NRIP3: variants seen among roughly 807,000 people sequenced by gnomAD.
The protein encoded by NRIP3 is nuclear receptor interacting protein 3, also known as nuclear receptor-interacting protein 3.
NRIP3 carries 31 observed loss-of-function variants against 29.0 expected under a neutral mutation model. The ratio of observed to expected loss-of-function variants is 1.07; its 90% CI spans 0.80 to 1.44. The LOEUF (loss-of-function observed/expected upper bound fraction) is 1.44, where lower values mean the gene tolerates loss of function less well. NRIP3 is among the 40% of genes most tolerant of loss of function. The pLI is 0.00. For synonymous variants in NRIP3, 131 were observed against 118.3 expected (o/e 1.11, Z -0.70); for missense variants, 314 against 297.9 (o/e 1.05, Z -0.40).
intron 1 of NRIP3, among the ~76,000 whole-genome samples, chr11:9,000,758 A>G (rs1362000938): frequency 6.8e-6 from 1 of 146,134 alleles, no homozygotes; most frequent in Admixed American, 6.8e-5. Flanking sequence ...GTTTTTCTCC[A>G]GCTTCACTGA....
chr11:8,981,955 T>A lies in NRIP3; in HGVS notation c.*1590A>T, dbSNP rs1854422571. 6.6e-6 allele frequency: 1 copy of A among 152,236 alleles called. No homozygotes were observed. The highest frequency in any genetic ancestry group is 1.5e-5 in the Non-Finnish European group (1 of 68,064). 9.4% of individuals were successfully genotyped at this position (152,236 alleles called of 1,614,324 possible). A position where few individuals can be genotyped will look rare whatever the true frequency, so the allele number is the denominator to read the frequency against. The stretch of plus-strand genomic sequence containing the variant: ...CAAATCATTCAGAGTTCCAAAGGGC[T>A]GTTCAGTAGGGGCAGTTGCTGAACA... On this transcript the variant is annotated 3_prime_UTR_variant, in exon 7 of 7. Transcript: ENST00000309166.
chr11:8,991,634 C>A (rs1854603300), intron 1 of NRIP3, among the ~76,000 whole-genome samples: 1 of 152,188 alleles, frequency 6.6e-6, no homozygotes, highest in African/African-American at 2.4e-5. Context: ...GGCAGAAAAG[C>A]AGCAATTAAT....
At chr11:9,004,139 CGTCCCCT>C (rs1257635086), upstream of NRIP3, 1 of 417,522 alleles carries the variant, frequency 2.4e-6, no homozygotes, top group Non-Finnish European at 4.0e-6. Flanking sequence ...CCGCGTCCCG[CGTCCCCT>C]GCTCACCCGG....
At chr11:8,996,613 C>G (rs931786442) in intron 1 of NRIP3, among the ~76,000 whole-genome samples, 1 of 152,174 alleles carries the variant, frequency 6.6e-6, no homozygotes, top group Admixed American at 6.5e-5. Context: ...TCATTGAATT[C>G]TTTCTTTCAG....
At chr11:8,989,717 T>C (rs1442342991) in intron 1 of NRIP3, among the ~76,000 whole-genome samples, 2 of 152,226 alleles carry the variant, frequency 1.3e-5, no homozygotes, top group Non-Finnish European at 2.9e-5. Context: ...TCAGATTTTG[T>C]GATGCAACAC....
intron 1 of NRIP3, among the ~76,000 whole-genome samples, chr11:9,002,596 T>TAAAAAAAAA (rs10701323): frequency 4.0e-5 from 4 of 101,238 alleles, no homozygotes; most frequent in South Asian, 3.4e-4. Context: ...GCTGTTAAAT[T>TAAAAAAAAA]AAAAAAAAAA....
At chr11:8,991,992 T>C (rs1466370412) in intron 1 of NRIP3, among the ~76,000 whole-genome samples, 1 of 152,254 alleles carries the variant, frequency 6.6e-6, no homozygotes, top group Non-Finnish European at 1.5e-5. Context: ...GAAGAGCTAC[T>C]GTTAGTTTGA....
rs1854450026 is a variant in NRIP3 at position 8,983,220 on chromosome 11, C to A, written c.*325G>T. On this transcript the variant is annotated 3_prime_UTR_variant, in exon 7 of 7. Transcript: ENST00000309166. ...CACATATATCTATGGAGACACAGAA[C>A]CTGGCAGCCCCTATACTTGACTAAT... 4.4e-6 allele frequency: 2 copies of A among 457,334 alleles called. No individual in the cohort carries two copies. Among genetic ancestry groups the A allele is most frequent in the Non-Finnish European group, 3.9e-6 (1 of 253,910 alleles). 28.3% of individuals were successfully genotyped at this position (457,334 alleles called of 1,614,324 possible).
intron 4 of NRIP3, among the ~76,000 whole-genome samples, chr11:8,984,473 G>A (rs1854478478): frequency 6.6e-6 from 1 of 152,138 alleles, no homozygotes; most frequent in Non-Finnish European, 1.5e-5. Flanking sequence ...ATGTTGGCCA[G>A]GCTTCTCTCG....
chr11:8,998,790 T>C (rs1029926041), intron 1 of NRIP3, among the ~76,000 whole-genome samples: 1 of 132,516 alleles, frequency 7.5e-6, no homozygotes, highest in African/African-American at 2.8e-5. Flanking sequence ...CTTCATTTTT[T>C]TTTTTTTTTT....
At chr11:8,984,159 AT>A in intron 4 of NRIP3, 35 bp from the exon 5 acceptor site, 1 of 1,479,192 alleles carries the variant, frequency 6.8e-7, no homozygotes, top group Non-Finnish European at 9.4e-7. Flanking sequence ...AGATTTAGCC[AT>A]TTCCATGCTT....
intron 1 of NRIP3, among the ~76,000 whole-genome samples, chr11:8,993,648 A>C (rs1405822325): frequency 6.6e-6 from 1 of 152,180 alleles, no homozygotes; most frequent in East Asian, 1.9e-4. Flanking sequence ...GCCTCTACAA[A>C]AAATACAAAA....
At chr11:8,986,659 A>G (rs1448972909) in intron 3 of NRIP3, among the ~76,000 whole-genome samples, 1 of 152,190 alleles carries the variant, frequency 6.6e-6, no homozygotes, top group East Asian at 1.9e-4. Context: ...CTGCCTAATT[A>G]TGCACCAGGA....
At chr11:8,984,547 G>A (rs995479092) in intron 4 of NRIP3, among the ~76,000 whole-genome samples, 5 of 152,140 alleles carry the variant, frequency 3.3e-5, no homozygotes, top group African/African-American at 1.2e-4. Flanking sequence ...ACAGGCATGA[G>A]CCACCGCGCC....
chr11:8,984,256 T>A (rs1042097650), intron 4 of NRIP3, 132 bp from the exon 5 acceptor site: 22 of 373,708 alleles, frequency 5.9e-5, no homozygotes, highest in East Asian at 2.0e-4. Flanking sequence ...GTGTTATTTT[T>A]TTTTTATTTT....
intron 6 of NRIP3, 75 bp from the exon 7 acceptor site, chr11:8,983,635 TGCTTTCAAA>T: frequency 6.9e-7 from 1 of 1,453,784 alleles, no homozygotes; most frequent in Non-Finnish European, 9.6e-7. Context: ...AGTAAAATTT[TGCTTTCAAA>T]GCTAGTCATT....
chr11:8,996,842 A>T (rs548847218), intron 1 of NRIP3, among the ~76,000 whole-genome samples: 1 of 151,626 alleles, frequency 6.6e-6, no homozygotes, highest in Non-Finnish European at 1.5e-5. Flanking sequence ...GCTTGAGGCC[A>T]GGACTTTGAG....
chr11:8,991,295 C>T (rs533967280), intron 1 of NRIP3, among the ~76,000 whole-genome samples: 2 of 152,164 alleles, frequency 1.3e-5, no homozygotes, highest in South Asian at 2.1e-4. Flanking sequence ...AGCAAGACTC[C>T]GTCTCAAAAC....
At chr11:8,986,677 A>G (rs1462187009) in intron 3 of NRIP3, among the ~76,000 whole-genome samples, 2 of 152,206 alleles carry the variant, frequency 1.3e-5, no homozygotes, top group East Asian at 3.8e-4. Context: ...GGACATTGTT[A>G]GTCTTTCTGG....
Sources: gnomAD v4.1 joint callset for allele counts (sites outside exome capture counted in the v4.1 genomes callset) on GRCh38, gnomAD v4.1.1 for gene constraint, MANE v1.5 for transcripts, NCBI Gene and HGNC (gene_info 2026-07-23, HGNC 2026-07-21) for gene names.